EDNRB: variants seen among roughly 807,000 people sequenced by gnomAD.
The protein encoded by EDNRB is Hirschsprung disease 2.
EDNRB carries 18 observed loss-of-function variants against 46.4 expected under a neutral mutation model. That is an observed-to-expected ratio of 0.39 (90% confidence interval 0.27 to 0.57). EDNRB has a LOEUF of 0.57. EDNRB is among the 20% of genes least tolerant of loss of function. EDNRB has a pLI of 0.61. For synonymous variants in EDNRB, 213 were observed against 204.9 expected (o/e 1.04, Z -0.34); for missense variants, 434 against 537.5 (o/e 0.81, Z 1.90).
intron 1 of EDNRB, among the ~76,000 whole-genome samples, chr13:77,911,664 CCTCT>C (rs745884791): frequency 6.6e-6 from 1 of 151,878 alleles, no homozygotes; most frequent in African/African-American, 2.4e-5. Flanking sequence ...CACGCCTTCT[CCTCT>C]CTCTCTCCCT....
rs1263379673 is a variant in EDNRB at position 77,955,861 on chromosome 13, C to CTATA, written c.-52+19485_-52+19486insTATA. 2.9e-4 allele frequency among the ~76,000 whole-genome samples: 44 copies of CTATA among 151,396 alleles called. 1 individual carries two copies. Among genetic ancestry groups the CTATA allele is most frequent in the Non-Finnish European group, 2.2e-4 (15 of 67,818 alleles). On this transcript the variant is annotated intron_variant, in intron 1 of 7. Coordinates refer to the EDNRB transcript ENST00000646948. ...TGTGTGTGTGTATCTATCTATCTAT[C>CTATA]TATCTATCTATCTATCTATCTATCT... is the stretch of plus-strand genomic sequence containing the variant.
At chr13:77,974,504 A>G (rs1413334931) in intron 1 of EDNRB, among the ~76,000 whole-genome samples, 1 of 152,140 alleles carries the variant, frequency 6.6e-6, no homozygotes, top group Non-Finnish European at 1.5e-5. Flanking sequence ...TTCAATTATC[A>G]ATTATAGGTT....
Position 77,896,455 on chromosome 13 carries a change from C to A in EDNRB, c.*1745G>T, listed in dbSNP as rs1414377204. On this transcript the variant is annotated 3_prime_UTR_variant, in exon 7 of 7. Coordinates refer to ENST00000646607, the MANE Select transcript of EDNRB (RefSeq NM_001122659.3). Reference sequence around the variant, plus strand: ...ATGGTGTGTGAATTAATTATTATTGCTCTTTCTTTCTGGCCACATTGTTGG... The same window carrying A: ...ATGGTGTGTGAATTAATTATTATTGATCTTTCTTTCTGGCCACATTGTTGG... The A allele has an allele frequency of 1.9e-6, 3 of 1,567,712 alleles. No individual in the cohort carries two copies. Among genetic ancestry groups the A allele is most frequent in the East Asian group, 4.6e-5 (2 of 43,442 alleles).
At chr13:77,919,422 A>G, upstream of EDNRB, 1 of 1,612,618 alleles carries the variant, frequency 6.2e-7, no homozygotes, top group Non-Finnish European at 8.5e-7. Flanking sequence ...AACCAGATGC[A>G]GAGCGACGAA....
chr13:77,916,593 A>G, intron 1 of EDNRB, among the ~76,000 whole-genome samples: 1 of 152,228 alleles, frequency 6.6e-6, no homozygotes, highest in East Asian at 1.9e-4. Flanking sequence ...AATTCCCCTT[A>G]AAATATAGCT....
intron 1 of EDNRB, chr13:77,940,142 G>T (rs118083708): frequency 2.6e-5 from 4 of 152,108 alleles, no homozygotes; most frequent in Admixed American, 1.3e-4. Context: ...TTGTGCAAGC[G>T]AAGAATATTA....
Position 77,939,978 on chromosome 13 carries a change from G to T in EDNRB, c.-51-21354C>A, listed in dbSNP as rs1266655526. On this transcript the variant is annotated intron_variant, in intron 1 of 7. Transcript: ENST00000646948. The stretch of plus-strand genomic sequence containing the variant: ...ATCATTGCACTCCAGCCTGGCAACA[G>T]AGTGAGACTCTGTCTCTAAATAAAT... The T allele has an allele frequency of 3.3e-5, 5 of 149,842 alleles. No individual in the cohort carries two copies. In the Admixed American group the frequency reaches 3.4e-4, roughly 10 times the overall value. 9.3% of individuals were successfully genotyped at this position (149,842 alleles called of 1,614,324 possible).
upstream of EDNRB, chr13:77,918,935 C>T: frequency 1.7e-6 from 2 of 1,178,058 alleles, no homozygotes; most frequent in Non-Finnish European, 2.1e-6. The surrounding 1 kb of genome is among the most constrained non-coding windows in gnomAD (Gnocchi z 4.5). Context: ...AAGCTCCGAA[C>T]TCTTTCACGT....
intron 1 of EDNRB, among the ~76,000 whole-genome samples, chr13:77,935,730 T>G (rs148768775): frequency 0.014 from 2,207 of 152,250 alleles, 46 homozygotes; most frequent in East Asian, 0.024. Context: ...GCTGAGCCTG[T>G]TGGGTGTCAG....
intron 1 of EDNRB, among the ~76,000 whole-genome samples, chr13:77,953,725 T>G (rs1280066474): frequency 6.6e-6 from 1 of 152,154 alleles, no homozygotes; most frequent in Non-Finnish European, 1.5e-5. Flanking sequence ...TGGGGAGATG[T>G]TGAATGAAGT....
chr13:77,927,168 G>A (rs1880261854), intron 1 of EDNRB, among the ~76,000 whole-genome samples: 1 of 152,140 alleles, frequency 6.6e-6, no homozygotes, highest in South Asian at 2.1e-4. Flanking sequence ...AGAGGTTGTT[G>A]TTGATTACCT....
At chr13:77,925,786 C>T (rs1030922532) in intron 1 of EDNRB, among the ~76,000 whole-genome samples, 16 of 152,186 alleles carry the variant, frequency 1.1e-4, no homozygotes, top group African/African-American at 3.6e-4. Flanking sequence ...GGCCACCGTC[C>T]TCCAGACCCC....
chr13:77,901,681 C>T (rs772383754), intron 3 of EDNRB, among the ~76,000 whole-genome samples: 12 of 151,940 alleles, frequency 7.9e-5, no homozygotes, highest in Non-Finnish European at 1.2e-4. Flanking sequence ...AATCTAACCT[C>T]GCAAAAAGAC....
At chr13:77,932,029 A>T (rs1880423878) in intron 1 of EDNRB, among the ~76,000 whole-genome samples, 1 of 145,370 alleles carries the variant, frequency 6.9e-6, no homozygotes, top group Non-Finnish European at 1.5e-5. Flanking sequence ...ACATAGACTT[A>T]ATTATGTTGG....
At chr13:77,938,811 C>T (rs1321725349) in intron 1 of EDNRB, among the ~76,000 whole-genome samples, 1 of 152,162 alleles carries the variant, frequency 6.6e-6, no homozygotes, top group Non-Finnish European at 1.5e-5. Flanking sequence ...TTGGAGAAGA[C>T]AGTAAGAAGA....
At chr13:77,946,944 A>G (rs1399448203) in intron 1 of EDNRB, among the ~76,000 whole-genome samples, 1 of 152,202 alleles carries the variant, frequency 6.6e-6, no homozygotes, top group Non-Finnish European at 1.5e-5. Flanking sequence ...GCAAGTATTT[A>G]CTTGAGAAAA....
chr13:77,969,128 G>A (rs1881657832), intron 1 of EDNRB, among the ~76,000 whole-genome samples: 1 of 152,082 alleles, frequency 6.6e-6, no homozygotes, highest in Non-Finnish European at 1.5e-5. Context: ...TAGTTATATA[G>A]CAATAACATA....
At chr13:77,931,620 T>C (rs1594381527) in intron 1 of EDNRB, among the ~76,000 whole-genome samples, 1 of 152,166 alleles carries the variant, frequency 6.6e-6, no homozygotes, top group African/African-American at 2.4e-5. Flanking sequence ...ACAATTAGAA[T>C]AATGTAATCA....
rs1689986435 is a variant in EDNRB, at chr13:77,896,286, TTAA to T, written c.*1911_*1913del. The T allele has an allele frequency of 3.3e-6, 2 of 610,496 alleles. No homozygotes were observed. Among genetic ancestry groups the T allele is most frequent in the Non-Finnish European group, 2.4e-6 (1 of 418,234 alleles). The allele number at this position is 610,496 out of a possible 1,614,324, so 37.8% of individuals were successfully genotyped here. A position where few individuals can be genotyped will look rare whatever the true frequency, so the allele number is the denominator to read the frequency against. Reference sequence around the variant, plus strand: ...AAAATTTAAATAGAAATTAAATATATTAATAAACTGTGAAAATATTAGTGATTC... The same window carrying T: ...AAAATTTAAATAGAAATTAAATATATTAAACTGTGAAAATATTAGTGATTC... On this transcript the variant is annotated 3_prime_UTR_variant, in exon 7 of 7. Transcript: ENST00000646607.
Sources: allele counts gnomAD v4.1 joint callset (sites outside exome capture counted in the v4.1 genomes callset), GRCh38; gene constraint gnomAD v4.1.1; non-coding constraint Gnocchi (gnomAD v3.1); transcripts MANE v1.5; gene names NCBI Gene and HGNC (gene_info 2026-07-23, HGNC 2026-07-21).